Variants in FEZ2 observed in about 807,000 individuals in gnomAD.
The protein encoded by FEZ2 is fasciculation and elongation protein zeta 2.
Under a neutral mutation model 40.4 loss-of-function variants are expected in FEZ2, and 51 were observed. That is an observed-to-expected ratio of 1.26 (90% confidence interval 1.01 to 1.59). FEZ2 has a LOEUF of 1.59. FEZ2 is among the 40% of genes most tolerant of loss of function. The pLI, the probability that FEZ2 is intolerant of heterozygous loss-of-function variation, is 0.00. For synonymous variants in FEZ2, 242 were observed against 172.0 expected (o/e 1.41, Z -3.18); for missense variants, 640 against 438.3 (o/e 1.46, Z -4.11).
At chr2:36,597,819 G>C (rs960164095) in intron 1 of FEZ2, 58 bp downstream of exon 1, 2 of 1,256,900 alleles carry the variant, frequency 1.6e-6, no homozygotes, top group South Asian at 2.3e-5. Context: ...TAGGGCTGCC[G>C]GTCGGGCGAG....
At chr2:36,593,347 G>T (rs1308992384) in intron 1 of FEZ2, among the ~76,000 whole-genome samples, 2 of 152,022 alleles carry the variant, frequency 1.3e-5, no homozygotes. Context: ...TCTGTGTGGG[G>T]GCTCCAACCC....
rs377702352 is a variant in FEZ2 at position 36,581,436 on chromosome 2, G to A, written c.493-5C>T. The A allele has an allele frequency of 9.7e-5, 156 of 1,612,244 alleles. No individual in the cohort carries two copies. Among genetic ancestry groups the A allele is most frequent in the Non-Finnish European group, 1.2e-4 (141 of 1,178,692 alleles). On this transcript the variant is annotated splice_region_variant and splice_polypyrimidine_tract_variant and intron_variant, in intron 3 of 7. Coordinates refer to ENST00000405912, the MANE Select transcript of FEZ2 (RefSeq NM_005102.3). ...TTCTTCAATTTCTTCAATAACCTTC[G>A]AAAACACACACACCACTGTTAATCA...
chr2:36,598,014 G>GCC lies in FEZ2; in HGVS notation c.127_128dup (p.Asp45ProfsTer15). On this transcript the variant is annotated frameshift_variant, in exon 1 of 8. Coordinates refer to ENST00000405912, the MANE Select transcript of FEZ2 (RefSeq NM_005102.3). LOFTEE classifies it high-confidence loss of function. ...AGGCCGGGGCCGGGAAACCGTCGGCGCCCCCACCCGCCTCGGCCCCCGCCT... is the reference window on the plus strand; with the variant it reads ...AGGCCGGGGCCGGGAAACCGTCGGCGCCCCCCCACCCGCCTCGGCCCCCGCCT... 6.7e-7 allele frequency: 1 copy of GCC among 1,494,388 alleles called. No homozygotes were observed. Among genetic ancestry groups the GCC allele is most frequent in the South Asian group, 1.2e-5 (1 of 80,586 alleles). The allele number at this position is 1,494,388 out of a possible 1,614,324, so 92.6% of individuals were successfully genotyped here. A position where few individuals can be genotyped will look rare whatever the true frequency, so the allele number is the denominator to read the frequency against.
At chr2:36,581,546 C>G in intron 3 of FEZ2, 115 bp from the exon 4 acceptor site, 1 of 858,124 alleles carries the variant, frequency 1.2e-6, no homozygotes, top group East Asian at 2.5e-5. Context: ...TCTCCATTAA[C>G]CAATGGTGTT....
intron 2 of FEZ2, chr2:36,584,028 ACCT>A (rs2125237674): frequency 6.6e-6 from 1 of 152,556 alleles, no homozygotes; most frequent in African/African-American, 2.4e-5. Context: ...TTCACCACTC[ACCT>A]CCTCACCATC....
intron 5 of FEZ2, among the ~76,000 whole-genome samples, chr2:36,571,601 G>C (rs1668412707): frequency 6.6e-6 from 1 of 151,940 alleles, no homozygotes; most frequent in Non-Finnish European, 1.5e-5. Flanking sequence ...GCTGCAGTGG[G>C]CCCAGATGGC....
chr2:36,583,918 A>C (rs985205084), intron 2 of FEZ2: 2 of 159,954 alleles, frequency 1.3e-5, no homozygotes, highest in Non-Finnish European at 2.7e-5. Flanking sequence ...GGATCTGTCC[A>C]TGAGCGTCAC....
chr2:36,582,288 C>A (rs538826704), intron 3 of FEZ2, among the ~76,000 whole-genome samples: 1 of 152,080 alleles, frequency 6.6e-6, no homozygotes, highest in South Asian at 2.1e-4. Flanking sequence ...TATTTCCATG[C>A]TTTATGAATT....
chr2:36,592,018 A>G (rs1669087315), intron 1 of FEZ2, among the ~76,000 whole-genome samples: 1 of 152,230 alleles, frequency 6.6e-6, no homozygotes, highest in South Asian at 2.1e-4. Flanking sequence ...AATCAGCACA[A>G]TAAAACATGA....
In FEZ2 at chr2:36,591,175, AAAAC is replaced by A. The variant is rs1267237053; in HGVS notation, c.267-168_267-165del. On this transcript the variant is annotated intron_variant, in intron 1 of 7. Transcript: ENST00000405912. ...TCAACAAAGTAGAGTCTCCTAAACA[AAAAC>A]GAGGTGAAAAATCACATAACTGGGC... The A allele has an allele frequency of 7.4e-4, 450 of 604,528 alleles. 1 individual carries two copies. The highest frequency in any genetic ancestry group is 6.8e-4 in the Admixed American group (23 of 33,712). 37.4% of individuals were successfully genotyped at this position (604,528 alleles called of 1,614,324 possible). A position where few individuals can be genotyped will look rare whatever the true frequency, so the allele number is the denominator to read the frequency against.
intron 5 of FEZ2, among the ~76,000 whole-genome samples, chr2:36,566,678 G>A (rs988170773): frequency 1.3e-5 from 2 of 152,112 alleles, no homozygotes; most frequent in Non-Finnish European, 2.9e-5. Flanking sequence ...AAAAGTCTTA[G>A]AATCAAGAAA....
chr2:36,558,395 G>A, intron 6 of FEZ2, 43 bp downstream of exon 6: 1 of 1,268,946 alleles, frequency 7.9e-7, no homozygotes. Flanking sequence ...TTACCAATCA[G>A]CAAAAGGAAA....
intron 4 of FEZ2, among the ~76,000 whole-genome samples, chr2:36,579,694 T>C (rs1479068231): frequency 1.3e-5 from 2 of 152,156 alleles, no homozygotes; most frequent in African/African-American, 4.8e-5. Context: ...ATTAGCCAAT[T>C]AAACCTCTTT....
At position 36,554,120 on chromosome 2, in the gene FEZ2, CACAG is replaced by C. The variant is rs1667893924; in HGVS notation, c.1046-945_1046-942del. The C allele has an allele frequency of 1.8e-5, 8 of 438,994 alleles. 1 individual carries two copies. Among genetic ancestry groups the C allele is most frequent in the Non-Finnish European group, 9.4e-6 (2 of 212,426 alleles). The allele number at this position is 438,994 out of a possible 1,614,324, so 27.2% of individuals were successfully genotyped here. On this transcript the variant is annotated intron_variant, in intron 7 of 7. Transcript: ENST00000405912. ...CCAAGACAAAACCACAACACATGCA[CACAG>C]ACAGCTCATCAGAAGCAGGTACAGT...
intron 5 of FEZ2, among the ~76,000 whole-genome samples, chr2:36,575,787 C>T (rs576553381): frequency 3.0e-4 from 45 of 152,100 alleles, no homozygotes; most frequent in African/African-American, 1.0e-3. Context: ...ATACCCACTC[C>T]AATATTTCAT....
intron 7 of FEZ2, among the ~76,000 whole-genome samples, chr2:36,555,042 T>C (rs552157063): frequency 6.6e-6 from 1 of 152,284 alleles, no homozygotes; most frequent in South Asian, 2.1e-4. Flanking sequence ...TTCCGTCCCT[T>C]CTTTATCATC....
In FEZ2 at chr2:36,590,794, C is replaced by T. The variant is rs962369676; in HGVS notation, c.375+109G>A. 3 of 702,576 alleles carry T rather than the reference C, an allele frequency of 4.3e-6. No homozygotes were observed. In the African/African-American group the frequency reaches 5.3e-5, roughly 13 times the overall value. The allele number at this position is 702,576 out of a possible 1,614,324, so 43.5% of individuals were successfully genotyped here. ...AGAGCCACCCAAACTGCTATAATTT[C>T]AGAAATGAGAGGCAGGTCAGTGAAT... On this transcript the variant is annotated intron_variant, in intron 2 of 7. Transcript: ENST00000405912.
chr2:36,597,827 G>A (rs1020009083), intron 1 of FEZ2, 50 bp downstream of exon 1: 1 of 1,284,730 alleles, frequency 7.8e-7, no homozygotes, highest in Non-Finnish European at 9.9e-7. Flanking sequence ...CCGGTCGGGC[G>A]AGGGGTAGGG....
chr2:36,568,366 TAAAAG>T (rs1443414402), intron 5 of FEZ2, among the ~76,000 whole-genome samples: 4 of 152,180 alleles, frequency 2.6e-5, no homozygotes, highest in South Asian at 2.1e-4. Context: ...AATAATTTTT[TAAAAG>T]AAAAGAAAAA....
Sources: gnomAD v4.1 joint callset for allele counts (sites outside exome capture counted in the v4.1 genomes callset) on GRCh38, gnomAD v4.1.1 for gene constraint, MANE v1.5 for transcripts, NCBI Gene and HGNC (gene_info 2026-07-23, HGNC 2026-07-21) for gene names.